The following DGKI variants were observed in gnomAD, a reference collection of about 807,000 sequenced individuals.
The protein encoded by DGKI is diacylglycerol kinase iota.
DGKI carries 55 observed loss-of-function variants against 147.5 expected under a neutral mutation model. That is an observed-to-expected ratio of 0.37 (90% CI 0.30 to 0.47). The LOEUF is 0.47. DGKI is among the 20% of genes least tolerant of loss of function. The probability of loss-of-function intolerance (pLI) is 1.00; values close to 1 mark genes in which losing one functional copy is unlikely to be tolerated. For missense variants in DGKI, 1,007 were observed against 1,323.8 expected (o/e 0.76, Z 3.71); for synonymous variants, 469 against 477.1 (o/e 0.98, Z 0.22).
chr7:137,482,487 T>C (rs1432101951), intron 23 of DGKI, among the ~76,000 whole-genome samples: 1 of 151,828 alleles, frequency 6.6e-6, no homozygotes, highest in Non-Finnish European at 1.5e-5. Context: ...AAAATTTCTA[T>C]CTCTGGGCCT....
intron 6 of DGKI, among the ~76,000 whole-genome samples, chr7:137,640,607 T>C (rs1433330329): frequency 6.6e-6 from 1 of 152,204 alleles, no homozygotes; most frequent in Non-Finnish European, 1.5e-5. Flanking sequence ...ATTTTCAGAT[T>C]AGTAGAGTAC....
chr7:137,472,376 T>C (rs1249019245), intron 23 of DGKI, among the ~76,000 whole-genome samples: 10 of 120,864 alleles, frequency 8.3e-5, no homozygotes, highest in Non-Finnish European at 1.3e-4. Context: ...ATAATTATTA[T>C]ATGTATATAT....
chr7:137,706,414 C>T (rs1282353392), intron 1 of DGKI, among the ~76,000 whole-genome samples: 3 of 151,570 alleles, frequency 2.0e-5, no homozygotes, highest in African/African-American at 7.3e-5. Context: ...AGGTCTTATA[C>T]CACAGTGTTT....
intron 26 of DGKI, among the ~76,000 whole-genome samples, chr7:137,464,047 G>A (rs1365730379): frequency 6.6e-6 from 1 of 151,960 alleles, no homozygotes; most frequent in Non-Finnish European, 1.5e-5. Context: ...GCTAACAGAG[G>A]TCTAGCAAGG....
chr7:137,432,138 G>A (rs56941479), intron 28 of DGKI, among the ~76,000 whole-genome samples: 12,316 of 152,198 alleles, frequency 0.081, 1,420 homozygotes, highest in African/African-American at 0.25. Flanking sequence ...TGCCATGATT[G>A]TAAGTTTCCT....
intron 19 of DGKI, among the ~76,000 whole-genome samples, chr7:137,553,385 A>G (rs960456258): frequency 6.6e-6 from 1 of 152,216 alleles, no homozygotes; most frequent in African/African-American, 2.4e-5. Context: ...AATGCAAAAT[A>G]ACATCAATTA....
intron 1 of DGKI, among the ~76,000 whole-genome samples, chr7:137,775,317 G>A (rs1298328028): frequency 1.3e-5 from 2 of 152,108 alleles, no homozygotes; most frequent in South Asian, 4.1e-4. Flanking sequence ...ATCAAAATTC[G>A]ATAGGCAGGC....
Position 137,508,960 on chromosome 7 carries a change from G to A in DGKI, c.2248+12906C>T, listed in dbSNP as rs75474571. On this transcript the variant is annotated intron_variant, in intron 21 of 32. Coordinates refer to ENST00000614521, the MANE Select transcript of DGKI (RefSeq NM_001321708.2). ...TACTCATAGCATTCACATTACTCAG[G>A]AAGTCAAAAGGATGGTGGAAATAAG... Among the ~76,000 whole-genome samples, 884 of 152,164 alleles carry A rather than the reference G, an allele frequency of 5.8e-3. 6 individuals are homozygous for A. Among genetic ancestry groups the A allele is most frequent in the African/African-American group, 0.02 (846 of 41,502 alleles).
chr7:137,407,947 C>G lies in DGKI; in HGVS notation c.2848G>C (p.Asp950His). Reference protein sequence around the residue: ...NGGSLLIQGPDHCSLLHYAAK... With the variant: ...NGGSLLIQGPHHCSLLHYAAK... ...GCGTAGTGAAGGAGTGAACAGTGGT[C>G]TGGTCCCTGAATTAGCAGACTGCCT... is the stretch of plus-strand genomic sequence containing the variant. Residue 950 changes from aspartate (D) to histidine (H), a missense_variant, in exon 30 of 33, where the codon GAC becomes CAC. Around this residue, in one of 5 missense-constraint regions of DGKI, gnomAD observed 385 missense variants for 445.2 expected, o/e 0.86. Transcript: ENST00000614521. The G allele has an allele frequency of 6.2e-7, 1 of 1,614,106 alleles. No individual in the cohort carries two copies. Among genetic ancestry groups the G allele is most frequent in the African/African-American group, 1.3e-5 (1 of 75,054 alleles).
At chr7:137,433,208 A>T (rs540827127) in intron 28 of DGKI, among the ~76,000 whole-genome samples, 1 of 152,366 alleles carries the variant, frequency 6.6e-6, no homozygotes, top group South Asian at 2.1e-4. Context: ...CAGGTTGGGC[A>T]AACAAAAATG....
At chr7:137,728,167 T>C (rs1288383104) in intron 1 of DGKI, among the ~76,000 whole-genome samples, 1 of 152,220 alleles carries the variant, frequency 6.6e-6, no homozygotes, top group East Asian at 1.9e-4. Flanking sequence ...AAATGGTAAT[T>C]TTGGAGGAAA....
chr7:137,842,848 T>C (rs1404982113), intron 1 of DGKI, among the ~76,000 whole-genome samples: 1 of 151,988 alleles, frequency 6.6e-6, no homozygotes, highest in Non-Finnish European at 1.5e-5. Flanking sequence ...TGCAATAATA[T>C]ATAATAATAA....
intron 21 of DGKI, among the ~76,000 whole-genome samples, chr7:137,514,423 T>G (rs1816683359): frequency 6.6e-6 from 1 of 152,154 alleles, no homozygotes; most frequent in Admixed American, 6.6e-5. Flanking sequence ...AACTACCCTC[T>G]ACTCCAATCC....
At chr7:137,397,447 A>G (rs377345137) in intron 30 of DGKI, 34 bp from the exon 31 acceptor site, 60 of 1,605,340 alleles carry the variant, frequency 3.7e-5, no homozygotes, top group Non-Finnish European at 4.6e-5. Flanking sequence ...ACCGTCAAAA[A>G]TAAGCTCAAA....
chr7:137,433,994 C>G (rs1413162248), intron 28 of DGKI, among the ~76,000 whole-genome samples: 1 of 151,958 alleles, frequency 6.6e-6, no homozygotes, highest in Admixed American at 6.6e-5. Context: ...TAGCACACAC[C>G]TGTAATTCCA....
Position 137,552,539 on chromosome 7 carries a change from C to T in DGKI, c.1977G>A (p.Glu659=), listed in dbSNP as rs777655193. The change falls in exon 20 of 33, where the codon GAG becomes GAA. Residue 659 remains glutamate (E), a synonymous_variant. Coordinates refer to ENST00000614521, the MANE Select transcript of DGKI (RefSeq NM_001321708.2). ...TGACTTCTCGACACTGGTGTAGCCT[C>T]TCTCCATGGCCCCCAACTTGCAGGG... ...LAALQVGGHG[E]RLHQCREVML... The T allele has an allele frequency of 3.1e-6, 5 of 1,614,030 alleles. No individual in the cohort carries two copies. The highest frequency in any genetic ancestry group is 4.2e-6 in the Non-Finnish European group (5 of 1,180,030).
intron 1 of DGKI, among the ~76,000 whole-genome samples, chr7:137,790,269 C>T (rs1796811639): frequency 6.6e-6 from 1 of 150,472 alleles, no homozygotes. Flanking sequence ...CACACACACA[C>T]ACTGGAACCA....
intron 23 of DGKI, among the ~76,000 whole-genome samples, chr7:137,471,516 G>A (rs183090198): frequency 2.0e-5 from 3 of 152,310 alleles, no homozygotes; most frequent in Admixed American, 2.0e-4. Context: ...CTCAAAGTGT[G>A]CATCAGCTAG....
chr7:137,569,728 CAAAAAAAAAA>C (rs60719355), intron 19 of DGKI, among the ~76,000 whole-genome samples: 6 of 64,614 alleles, frequency 9.3e-5, no homozygotes, highest in Non-Finnish European at 1.4e-4. Flanking sequence ...GACTCTGTCT[CAAAAAAAAAA>C]AAAAAAAAAA....
Sources: allele counts gnomAD v4.1 joint callset (sites outside exome capture counted in the v4.1 genomes callset), GRCh38; gene constraint gnomAD v4.1.1; regional missense constraint gnomAD v4.1.1; transcripts MANE v1.5; gene names NCBI Gene and HGNC (gene_info 2026-07-23, HGNC 2026-07-21).